Variants in RTN1 observed in about 807,000 individuals in gnomAD.
The protein encoded by RTN1 is reticulon 1.
In RTN1, 25 loss-of-function variants were observed where a neutral mutation model predicts 65.5. The ratio of observed to expected loss-of-function variants is 0.38; its 90% CI spans 0.28 to 0.53. The LOEUF (loss-of-function observed/expected upper bound fraction) is 0.53, where lower values mean the gene tolerates loss of function less well. Among genes scored for constraint, RTN1 ranks in the 20% least tolerant of loss-of-function variants. RTN1 has a pLI of 0.79. For synonymous variants in RTN1, 471 were observed against 447.6 expected (o/e 1.05, Z -0.66); for missense variants, 983 against 1,025.4 (o/e 0.96, Z 0.57).
intron 1 of RTN1, among the ~76,000 whole-genome samples, chr14:59,847,829 C>T (rs933483135): frequency 3.3e-5 from 5 of 152,168 alleles, no homozygotes; most frequent in Non-Finnish European, 7.3e-5. Flanking sequence ...ACACCTGAAC[C>T]CACAGCCTTT....
chr14:59,797,494 G>T (rs1200613217), intron 1 of RTN1, among the ~76,000 whole-genome samples: 1 of 152,096 alleles, frequency 6.6e-6, no homozygotes, highest in Non-Finnish European at 1.5e-5. Context: ...TTATTCAAAA[G>T]TCCATTGTGC....
intron 3 of RTN1, among the ~76,000 whole-genome samples, chr14:59,703,103 A>C (rs1212125861): frequency 1.3e-5 from 2 of 152,128 alleles, no homozygotes; most frequent in South Asian, 2.1e-4. Context: ...TAGTATAGTG[A>C]CCTGCCCCTC....
Position 59,836,851 on chromosome 14 carries a change from AT to A in RTN1, c.241+33538del. Reference sequence around the variant, plus strand: ...AAAGGAAGGGAGTGAAGAGGGAGAAATTACAGAACCTATGTTATAAAAGCTG... The same window carrying A: ...AAAGGAAGGGAGTGAAGAGGGAGAAATACAGAACCTATGTTATAAAAGCTG... On this transcript the variant is annotated intron_variant, in intron 1 of 8. Coordinates refer to ENST00000267484, the MANE Select transcript of RTN1 (RefSeq NM_021136.3). The surrounding 1 kb of genome is among the most constrained non-coding windows in gnomAD (Gnocchi z 4.9). Among the ~76,000 whole-genome samples the A allele has an allele frequency of 6.6e-6, 1 of 152,272 alleles. No individual in the cohort carries two copies. Among genetic ancestry groups the A allele is most frequent in the South Asian group, 2.1e-4 (1 of 4,822 alleles).
At chr14:59,641,320 A>G (rs992650675) in intron 3 of RTN1, among the ~76,000 whole-genome samples, 6 of 151,794 alleles carry the variant, frequency 4.0e-5, no homozygotes, top group Non-Finnish European at 8.8e-5. Context: ...TTTATAAATC[A>G]TTTCTTCTAA....
intron 3 of RTN1, among the ~76,000 whole-genome samples, chr14:59,660,750 A>G (rs1883226353): frequency 6.6e-6 from 1 of 152,214 alleles, no homozygotes; most frequent in South Asian, 2.1e-4. Context: ...TTAGAGGGAA[A>G]TTTATAGCAC....
At chr14:59,606,428 A>T (rs776651421) in intron 4 of RTN1, among the ~76,000 whole-genome samples, 24 of 152,080 alleles carry the variant, frequency 1.6e-4, no homozygotes, top group Non-Finnish European at 3.1e-4. Context: ...TGATTAGGTC[A>T]TGAGTGCACA....
chr14:59,609,783 C>G (rs1292063025), intron 3 of RTN1, among the ~76,000 whole-genome samples: 1 of 152,194 alleles, frequency 6.6e-6, no homozygotes, highest in Non-Finnish European at 1.5e-5. Context: ...ACCTCTTACA[C>G]ATCTGTTTTC....
intron 3 of RTN1, among the ~76,000 whole-genome samples, chr14:59,689,250 C>A (rs1428197618): frequency 6.6e-6 from 1 of 152,000 alleles, no homozygotes; most frequent in Non-Finnish European, 1.5e-5. Flanking sequence ...CTAACACAGT[C>A]AGACAAAAAT....
intron 3 of RTN1, among the ~76,000 whole-genome samples, chr14:59,640,581 C>G (rs1045723237): frequency 3.3e-5 from 5 of 152,156 alleles, no homozygotes; most frequent in Admixed American, 2.0e-4. Flanking sequence ...TCCCAAAGTG[C>G]TGGGATTACA....
intron 3 of RTN1, among the ~76,000 whole-genome samples, chr14:59,708,578 T>C (rs1884349730): frequency 6.6e-6 from 1 of 152,230 alleles, no homozygotes; most frequent in African/African-American, 2.4e-5. Flanking sequence ...CTCAATAATA[T>C]TTATAGACTG....
intron 3 of RTN1, chr14:59,630,663 T>C (rs1371380204): frequency 4.1e-6 from 5 of 1,224,106 alleles, no homozygotes; most frequent in Non-Finnish European, 4.1e-6. Flanking sequence ...GGCGGGAGCG[T>C]CGCTGGCGCC....
At chr14:59,608,016 T>G (rs1881820990) in intron 3 of RTN1, among the ~76,000 whole-genome samples, 1 of 152,198 alleles carries the variant, frequency 6.6e-6, no homozygotes, top group African/African-American at 2.4e-5. Context: ...AATGAAACCT[T>G]TAAAATCTAC....
At chr14:59,749,856 T>C (rs1218063276) in intron 1 of RTN1, among the ~76,000 whole-genome samples, 1 of 115,838 alleles carries the variant, frequency 8.6e-6, no homozygotes, top group Non-Finnish European at 1.6e-5. Context: ...TATATATATC[T>C]ATATGTATAT....
chr14:59,787,851 G>A (rs1000666269), intron 1 of RTN1, among the ~76,000 whole-genome samples: 1 of 151,930 alleles, frequency 6.6e-6, no homozygotes, highest in African/African-American at 2.4e-5. Flanking sequence ...AGTCCCCATC[G>A]TTCATTCTTG....
At chr14:59,607,575 GTT>G (rs1309888696) in intron 3 of RTN1, 83 bp from the exon 4 acceptor site, 1 of 1,189,042 alleles carries the variant, frequency 8.4e-7, no homozygotes, top group African/African-American at 1.5e-5. Flanking sequence ...CCAAGCTGTG[GTT>G]GCTGTGGGTT....
intron 2 of RTN1, among the ~76,000 whole-genome samples, chr14:59,740,137 G>A (rs1885087918): frequency 6.6e-6 from 1 of 152,122 alleles, no homozygotes; most frequent in Non-Finnish European, 1.5e-5. Context: ...CAGACTGAAA[G>A]TGCCTTGGGA....
intron 1 of RTN1, among the ~76,000 whole-genome samples, chr14:59,789,068 T>C (rs1594743885): frequency 6.6e-6 from 1 of 152,236 alleles, no homozygotes; most frequent in Admixed American, 6.5e-5. Context: ...TTTTAAGCAT[T>C]TGATTATCAT....
chr14:59,663,048 G>A (rs1388577073), intron 3 of RTN1, among the ~76,000 whole-genome samples: 1 of 152,134 alleles, frequency 6.6e-6, no homozygotes, highest in African/African-American at 2.4e-5. Context: ...AAAACAGCAT[G>A]GTACTGCTAC....
intron 3 of RTN1, chr14:59,630,726 G>T: frequency 9.0e-7 from 1 of 1,115,992 alleles, no homozygotes; most frequent in Non-Finnish European, 1.1e-6. Context: ...GGAGCCGCCT[G>T]CGCGCATGGG....
Sources: gnomAD v4.1 joint callset for allele counts (sites outside exome capture counted in the v4.1 genomes callset) on GRCh38, gnomAD v4.1.1 for gene constraint, Gnocchi (gnomAD v3.1) non-coding constraint, MANE v1.5 for transcripts, NCBI Gene and HGNC (gene_info 2026-07-23, HGNC 2026-07-21) for gene names.